The following ZNF469 variants were observed in gnomAD, a reference collection of about 807,000 sequenced individuals.
The protein encoded by ZNF469 is zinc finger protein 469.
ZNF469 carries 1 observed loss-of-function variant against 1.0 expected under a neutral mutation model. That is an observed-to-expected ratio of 1.00 (90% confidence interval 0.35 to 4.73). ZNF469 has a LOEUF of 4.73. Among genes scored for constraint, ZNF469 ranks in the 30% most tolerant of loss-of-function variants. The pLI is 0.16. For missense variants in ZNF469, 6,100 were observed against 5,356.3 expected (o/e 1.14, Z -4.33); for synonymous variants, 2,703 against 2,363.4 (o/e 1.14, Z -4.17).
chr16:88,250,053 C>T, the ZNF469 span, among the ~76,000 whole-genome samples: 1 of 152,226 alleles, frequency 6.6e-6, no homozygotes, highest in African/African-American at 2.4e-5. Context: ...AAATTAAAAA[C>T]ATTCTTACTT....
chr16:88,246,870 AGT>A, the ZNF469 span, among the ~76,000 whole-genome samples: 2 of 106,240 alleles, frequency 1.9e-5, no homozygotes, highest in Non-Finnish European at 4.0e-5. Flanking sequence ...CAAGTGAATG[AGT>A]GAGTGAATGA....
chr16:88,427,014 G>A lies in ZNF469; in HGVS notation c.-126-331G>A, dbSNP rs1229113362. Reference sequence around the variant, plus strand: ...TGCCTGTCCTCTCCACAGCCTGGCCGAGGACTGCTCTGAGCCTGTAAGCGG... The same window carrying A: ...TGCCTGTCCTCTCCACAGCCTGGCCAAGGACTGCTCTGAGCCTGTAAGCGG... On this transcript the variant is annotated intron_variant, in intron 2 of 2. Transcript: ENST00000565624. Among the ~76,000 whole-genome samples the A allele has an allele frequency of 3.9e-5, 6 of 152,222 alleles. No homozygotes were observed. The East Asian group carries it at 7.7e-4, about 20-fold the overall frequency.
chr16:88,198,053 C>A, the ZNF469 span, among the ~76,000 whole-genome samples: 1 of 152,172 alleles, frequency 6.6e-6, no homozygotes, highest in Non-Finnish European at 1.5e-5. Flanking sequence ...ATTTTAAAAC[C>A]ACCACACCCA....
At position 88,428,445 on chromosome 16, in the gene ZNF469, G is replaced by T; in HGVS notation, c.975G>T (p.Pro325=). The T allele has an allele frequency of 6.5e-7, 1 of 1,548,180 alleles. No homozygotes were observed. The highest frequency in any genetic ancestry group is 8.7e-7 in the Non-Finnish European group (1 of 1,146,734). The change falls in exon 3 of 3, where the codon CCG becomes CCT. Residue 325 remains proline (P), a synonymous_variant. Coordinates refer to ENST00000565624, the MANE Select transcript of ZNF469 (RefSeq NM_001367624.2). ...EEAVGTGPAY[P]LPTQPAPSPL... is the part of the protein sequence containing the mutation. ...CCGTGGGCACGGGCCCTGCCTACCCGCTGCCCACCCAGCCTGCGCCCTCAC... is the reference window on the plus strand; with the variant it reads ...CCGTGGGCACGGGCCCTGCCTACCCTCTGCCCACCCAGCCTGCGCCCTCAC...
intron 1 of ZNF469, among the ~76,000 whole-genome samples, chr16:88,419,700 C>G (rs1054648451): frequency 1.1e-4 from 16 of 152,336 alleles, no homozygotes; most frequent in African/African-American, 3.8e-4. Flanking sequence ...CAACGTTCCT[C>G]CAACAGCCAG....
Position 88,429,870 on chromosome 16 carries a change from T to C in ZNF469, c.2400T>C (p.Ala800=). 2 of 1,550,038 alleles carry C rather than the reference T, an allele frequency of 1.3e-6. No individual in the cohort carries two copies. Among genetic ancestry groups the C allele is most frequent in the Non-Finnish European group, 1.7e-6 (2 of 1,146,824 alleles). ...LLSHAKTFLL[A]GDAQAEGKDD... The stretch of plus-strand genomic sequence containing the variant: ...GCCACGCGAAGACCTTCCTGTTAGC[T>C]GGGGACGCCCAGGCCGAGGGCAAAG... Residue 800 remains alanine (A), a synonymous_variant, in exon 3 of 3, where the codon GCT becomes GCC. Coordinates refer to ENST00000565624, the MANE Select transcript of ZNF469 (RefSeq NM_001367624.2).
At chr16:88,403,980 T>C (rs1904956700) in intron 1 of ZNF469, among the ~76,000 whole-genome samples, 1 of 152,200 alleles carries the variant, frequency 6.6e-6, no homozygotes, top group Admixed American at 6.5e-5. Flanking sequence ...CAGAGGCCTC[T>C]CCGCCCTCAC....
the ZNF469 span, among the ~76,000 whole-genome samples, chr16:88,207,910 C>T: frequency 1.3e-5 from 2 of 152,144 alleles, no homozygotes; most frequent in East Asian, 1.9e-4. Flanking sequence ...GTCACAGGCT[C>T]GAGGGTGTGG....
Position 88,434,263 on chromosome 16 carries a change from C to G in ZNF469, c.6793C>G (p.Pro2265Ala). The change falls in exon 3 of 3, where the codon CCT becomes GCT. Residue 2265 changes from proline (P) to alanine (A), a missense_variant. Physicochemically the swap from Pro to Ala is conservative, Grantham distance 27 (BLOSUM62 -1). Transcript: ENST00000565624. Reference protein sequence around the residue: ...DSRKEKLWESPGRATSPPLAG... With the variant: ...DSRKEKLWESAGRATSPPLAG... Reference sequence around the variant, plus strand: ...CAGAAAAGAGAAGCTGTGGGAGTCTCCTGGCCGAGCCACCTCTCCTCCTCT... The same window carrying G: ...CAGAAAAGAGAAGCTGTGGGAGTCTGCTGGCCGAGCCACCTCTCCTCCTCT... 3 of 1,550,366 alleles carry G rather than the reference C, an allele frequency of 1.9e-6. No homozygotes were observed. The highest frequency in any genetic ancestry group is 2.6e-6 in the Non-Finnish European group (3 of 1,146,978).
chr16:88,437,355 C>A lies in ZNF469; in HGVS notation c.9885C>A (p.Ala3295=), dbSNP rs1724211346. 2 of 1,543,112 alleles carry A rather than the reference C, an allele frequency of 1.3e-6. No homozygotes were observed. The highest frequency in any genetic ancestry group is 2.4e-5 in the South Asian group (2 of 83,604). The change falls in exon 3 of 3, where the codon GCC becomes GCA. Residue 3295 remains alanine, a synonymous_variant. Coordinates refer to ENST00000565624, the MANE Select transcript of ZNF469 (RefSeq NM_001367624.2). ...AATPDSASAT[A]LADAGSPGPP... The stretch of plus-strand genomic sequence containing the variant: ...CCCCAGACAGCGCCTCTGCCACCGC[C>A]CTGGCTGACGCCGGCAGCCCGGGCC...
At chr16:88,106,673 G>A in the ZNF469 span, among the ~76,000 whole-genome samples, 2 of 152,356 alleles carry the variant, frequency 1.3e-5, no homozygotes, top group African/African-American at 2.4e-5. Context: ...GCCAAGGCAG[G>A]TTGGGTGGGC....
the ZNF469 span, among the ~76,000 whole-genome samples, chr16:88,257,429 T>C: frequency 1.3e-5 from 2 of 152,158 alleles, no homozygotes; most frequent in African/African-American, 4.8e-5. Flanking sequence ...CTCAGATATT[T>C]CCATCAAAAA....
At chr16:88,296,606 A>G in the ZNF469 span, among the ~76,000 whole-genome samples, 1 of 152,050 alleles carries the variant, frequency 6.6e-6, no homozygotes, top group Admixed American at 6.5e-5. Flanking sequence ...GCACACTCAC[A>G]GACATGCTCA....
intron 1 of ZNF469, among the ~76,000 whole-genome samples, chr16:88,413,400 C>G (rs906504926): frequency 6.6e-6 from 1 of 152,140 alleles, no homozygotes; most frequent in East Asian, 1.9e-4. Context: ...AGTGAGGAGA[C>G]AGCAAAGGAG....
chr16:88,201,666 A>G, the ZNF469 span, among the ~76,000 whole-genome samples: 16 of 152,032 alleles, frequency 1.1e-4, no homozygotes, highest in Non-Finnish European at 2.1e-4. This position sits in a 1 kb window ranked among gnomAD's most constrained non-coding sequence, Gnocchi z 5.0. Flanking sequence ...CCTGGAGTGG[A>G]CTGTGGGGTG....
the ZNF469 span, among the ~76,000 whole-genome samples, chr16:88,146,717 G>T: frequency 1.3e-5 from 2 of 152,076 alleles, no homozygotes; most frequent in African/African-American, 4.8e-5. Context: ...CAGCACAAGG[G>T]TGGTTTCCAG....
At position 88,433,887 on chromosome 16, in the gene ZNF469, T is replaced by C. The variant is rs369067040; in HGVS notation, c.6417T>C (p.Pro2139=). The C allele has an allele frequency of 1.9e-5, 30 of 1,548,652 alleles. No individual in the cohort carries two copies. The East Asian group carries it at 6.9e-4, about 35-fold the overall frequency. ...CCCGTGAAGACCCACTTACCTCGCC[T>C]TCCAGGGCCCAAGGTGGGCTGGGGG... The part of the protein sequence containing the change: ...PLPREDPLTS[P]SRAQGGLGGQ... The change falls in exon 3 of 3, where the codon CCT becomes CCC. Residue 2139 remains proline, a synonymous_variant. Transcript: ENST00000565624.
the ZNF469 span, among the ~76,000 whole-genome samples, chr16:88,290,879 A>G: frequency 6.6e-6 from 1 of 152,192 alleles, no homozygotes; most frequent in African/African-American, 2.4e-5. Flanking sequence ...TCAGGACAGC[A>G]TCTTTCCAGG....
At chr16:88,185,695 G>T in the ZNF469 span, among the ~76,000 whole-genome samples, 405 of 105,466 alleles carry the variant, frequency 3.8e-3, 2 homozygotes, top group Non-Finnish European at 3.4e-3. Flanking sequence ...AGACACATTC[G>T]CACACTCACA....
Sources: gnomAD v4.1 joint callset for allele counts (sites outside exome capture counted in the v4.1 genomes callset) on GRCh38, gnomAD v4.1.1 for gene constraint, Gnocchi (gnomAD v3.1) non-coding constraint, MANE v1.5 for transcripts, NCBI Gene and HGNC (gene_info 2026-07-23, HGNC 2026-07-21) for gene names.